Variants in THOC6 observed in about 807,000 individuals in gnomAD.
THOC6 encodes the protein THO complex subunit 6.
A neutral mutation model predicts 55.8 loss-of-function variants in THOC6; 39 were observed. The ratio of observed to expected loss-of-function variants is 0.70; its 90% CI spans 0.54 to 0.91. The LOEUF (loss-of-function observed/expected upper bound fraction) is 0.91. THOC6 is among the 40% of genes least tolerant of loss of function. THOC6 has a pLI of 0.00. For synonymous variants in THOC6, 192 were observed against 175.6 expected, an observed-to-expected ratio of 1.09 and a Z score of -0.74; for missense variants, 482 against 442.0, an observed-to-expected ratio of 1.09 and a Z score of -0.81.
intron 1 of THOC6, among the ~76,000 whole-genome samples, chr16:3,025,182 T>C (rs903364390): frequency 6.6e-6 from 1 of 152,042 alleles, no homozygotes; most frequent in African/African-American, 2.4e-5. Flanking sequence ...CCTCAGGTGG[T>C]CCACCTGCCT....
intron 2 of THOC6, 47 bp downstream of exon 2, chr16:3,025,870 A>G (rs756150952): frequency 2.0e-5 from 33 of 1,614,118 alleles, no homozygotes; most frequent in Non-Finnish European, 2.6e-5. Flanking sequence ...CTTGGCCCTC[A>G]TGGGACGGAT....
At chr16:3,027,112 G>T (rs199992947) in intron 10 of THOC6, 39 bp downstream of exon 10, 1 of 1,614,142 alleles carries the variant, frequency 6.2e-7, no homozygotes, top group Non-Finnish European at 8.5e-7. Flanking sequence ...GGCAGCTCCG[G>T]GCCCTGTCAG....
rs201552352 is a variant in THOC6, at chr16:3,026,930, C to G, written c.636+14C>G. ...TATAAGCACGAGGTGAGGGTGTGAC[C>G]GTGGCCATTGTCCTCTTCTCCCCCA... On this transcript the variant is annotated intron_variant, in intron 9 of 12. Transcript: ENST00000326266. 3 of 1,614,174 alleles carry G rather than the reference C, an allele frequency of 1.9e-6. No homozygotes were observed. The highest frequency in any genetic ancestry group is 2.5e-6 in the Non-Finnish European group (3 of 1,180,020).
In THOC6 at chr16:3,026,688, C is replaced by T. The variant is rs746516859; in HGVS notation, c.493C>T (p.Arg165Trp). 9.3e-6 allele frequency: 15 copies of T among 1,612,368 alleles called. No individual in the cohort carries two copies. Among genetic ancestry groups the T allele is most frequent in the South Asian group, 2.2e-5 (2 of 90,840 alleles). Residue 165 changes from arginine (R) to tryptophan (W), a missense_variant, in exon 8 of 13, where the codon CGG (arginine) becomes TGG (tryptophan). Arg to Trp is a moderately radical substitution (Grantham distance 101). Transcript: ENST00000326266. ...GCCCCTCTACATGCAGAGGGTCCTC[C>T]GGGGCCACACAGACTACATCCACTG... is the stretch of plus-strand genomic sequence containing the variant. ...LETGTFTRVL[R>W]GHTDYIHCLA...
In THOC6 at chr16:3,024,268, CGTAAGG is replaced by C; in HGVS notation, c.-58_-53del. ...CCACGGAGAGGAACCGCTCTAGGCA[CGTAAGG>C]CCTCGTGAGGTTGCGTCGCGCGCGG... On this transcript the variant is annotated 5_prime_UTR_variant, in exon 1 of 13. Coordinates refer to ENST00000326266, the MANE Select transcript of THOC6 (RefSeq NM_024339.5). 1 of 1,609,176 alleles carries C rather than the reference CGTAAGG, an allele frequency of 6.2e-7. No homozygotes were observed. The highest frequency in any genetic ancestry group is 1.7e-5 in the Admixed American group (1 of 59,972).
At position 3,026,522 on chromosome 16, in the gene THOC6, T is replaced by C. The variant is rs1246169055; in HGVS notation, c.418T>C (p.Ser140Pro). ...TCATCCTGCTCCTCCACAGGAGAATTCCCTCATCCTGGCTGGGGGAGACTG... is the reference window on the plus strand; with the variant it reads ...TCATCCTGCTCCTCCACAGGAGAATCCCCTCATCCTGGCTGGGGGAGACTG... ...NALLLVPKEN[S>P]LILAGGDCQL... is the part of the protein sequence containing the mutation. The change falls in exon 7 of 13, where the codon TCC becomes CCC. Residue 140 changes from serine to proline, a missense_variant. By Grantham distance (74) the Ser-to-Pro change is moderately conservative (BLOSUM62 -1). Coordinates refer to ENST00000326266, the MANE Select transcript of THOC6 (RefSeq NM_024339.5). 5.0e-6 allele frequency: 8 copies of C among 1,614,158 alleles called. No homozygotes were observed. The highest frequency in any genetic ancestry group is 1.7e-6 in the Non-Finnish European group (2 of 1,180,020).
rs2151134891 is a variant in THOC6 at position 3,025,907 on chromosome 16, C to T, written c.156-17C>T. 1 of 1,614,248 alleles carries T rather than the reference C, an allele frequency of 6.2e-7. No homozygotes were observed. The highest frequency in any genetic ancestry group is 8.5e-7 in the Non-Finnish European group (1 of 1,180,046). On this transcript the variant is annotated splice_polypyrimidine_tract_variant and intron_variant, in intron 2 of 12. Transcript: ENST00000326266. ...CCCCCGTTTCTGACTCCTGGGTCCC[C>T]TCCGCTGTCCCTGCAGCTTGTCCTC...
intron 1 of THOC6, among the ~76,000 whole-genome samples, chr16:3,024,889 C>T (rs1208673966): frequency 6.6e-6 from 1 of 150,798 alleles, no homozygotes; most frequent in Non-Finnish European, 1.5e-5. Flanking sequence ...CCTGCCTTGG[C>T]TTCTCAAAGT....
Position 3,026,789 on chromosome 16 carries a change from G to A in THOC6, c.586+8G>A, listed in dbSNP as rs1201538549. The A allele has an allele frequency of 1.9e-6, 3 of 1,613,844 alleles. No homozygotes were observed. The African/African-American group carries it at 4.0e-5, about 22-fold the overall frequency. On this transcript the variant is annotated splice_region_variant and intron_variant, in intron 8 of 12. Coordinates refer to ENST00000326266, the MANE Select transcript of THOC6 (RefSeq NM_024339.5). ...GAGCTGTTCGACTTTGGGGTAAGCA[G>A]GTGGCTGGTTGGAGGGCAAGATGGC...
chr16:3,027,485 C>A lies in THOC6; in HGVS notation c.930C>A (p.Ala310=), dbSNP rs149227535. ...GCCTCAGCCTCAACCAGCAGCCTGC[C>A]GCGCCTGAGTGCAAGGTGGGTCCGG... ...LLSLSLNQQP[A]APECKVLTAA... Residue 310 remains alanine (A), a synonymous_variant, in exon 12 of 13, where the codon GCC becomes GCA. Coordinates refer to ENST00000326266, the MANE Select transcript of THOC6 (RefSeq NM_024339.5). 2.5e-5 allele frequency: 40 copies of A among 1,609,976 alleles called. No individual in the cohort carries two copies. Among genetic ancestry groups the A allele is most frequent in the Middle Eastern group, 1.6e-4 (1 of 6,074 alleles).
intron 1 of THOC6, among the ~76,000 whole-genome samples, chr16:3,024,637 C>CTTTT (rs34833478): frequency 7.9e-6 from 1 of 126,092 alleles, no homozygotes; most frequent in Non-Finnish European, 1.6e-5. Flanking sequence ...TTGCAAAGCA[C>CTTTT]TTTTTTTTTT....
intron 1 of THOC6, 131 bp from the exon 2 acceptor site, chr16:3,025,577 G>T: frequency 2.6e-6 from 2 of 770,010 alleles, no homozygotes; most frequent in Admixed American, 2.4e-5. Context: ...CTTGGGGCGG[G>T]GCCGCCTCAA....
At chr16:3,025,336 G>T (rs976684290) in intron 1 of THOC6, among the ~76,000 whole-genome samples, 1 of 152,184 alleles carries the variant, frequency 6.6e-6, no homozygotes, top group African/African-American at 2.4e-5. Flanking sequence ...TTACAGGCAT[G>T]AACCACCACA....
chr16:3,026,717 G>A lies in THOC6; in HGVS notation c.522G>A (p.Leu174=), dbSNP rs1288588830. ...GCCACACAGACTACATCCACTGCCT[G>A]GCACTGCGGGAAAGGAGCCCAGAGG... is the stretch of plus-strand genomic sequence containing the variant. ...LRGHTDYIHC[L]ALRERSPEVL... is the part of the protein sequence containing the mutation. The change falls in exon 8 of 13, where the codon CTG becomes CTA. Residue 174 remains leucine (L), a synonymous_variant. Transcript: ENST00000326266. 10 of 1,613,768 alleles carry A rather than the reference G, an allele frequency of 6.2e-6. No individual in the cohort carries two copies. The highest frequency in any genetic ancestry group is 8.5e-6 in the Non-Finnish European group (10 of 1,179,912).
chr16:3,024,519 G>A (rs540359535), intron 1 of THOC6, among the ~76,000 whole-genome samples, 154 bp downstream of exon 1: 1 of 152,216 alleles, frequency 6.6e-6, no homozygotes, highest in Admixed American at 6.5e-5. Context: ...TAACCCAGAA[G>A]TGCTTCAGGG....
chr16:3,026,963 G>C (rs762080577), intron 9 of THOC6, 47 bp downstream of exon 9: 30 of 1,614,078 alleles, frequency 1.9e-5, no homozygotes, highest in Non-Finnish European at 2.5e-5. Context: ...CCAACTCCTT[G>C]AATTCTCCAG....
Position 3,024,085 on chromosome 16 carries a change from A to G in THOC6, c.-242A>G, listed in dbSNP as rs2072710152. The stretch of plus-strand genomic sequence containing the variant: ...CGGAAGACGGGCGGCGCGTGGCGGA[A>G]GGCAGGCTTGCTCCTCGGGGTGGGG... On this transcript the variant is annotated 5_prime_UTR_variant, in exon 1 of 13. Coordinates refer to ENST00000326266, the MANE Select transcript of THOC6 (RefSeq NM_024339.5). 6 of 754,618 alleles carry G rather than the reference A, an allele frequency of 8.0e-6. No homozygotes were observed. Among genetic ancestry groups the G allele is most frequent in the Non-Finnish European group, 8.5e-6 (4 of 473,052 alleles). The allele number at this position is 754,618 out of a possible 1,614,324, so 46.7% of individuals were successfully genotyped here.
chr16:3,027,122 G>A lies in THOC6; in HGVS notation c.700-48G>A, dbSNP rs370947731. On this transcript the variant is annotated intron_variant, in intron 10 of 12. Coordinates refer to ENST00000326266, the MANE Select transcript of THOC6 (RefSeq NM_024339.5). ...GGGATGGCAGCTCCGGGCCCTGTCA[G>A]CTGTGGGCCTGTGGTTCACAGCTGG... is the stretch of plus-strand genomic sequence containing the variant. 26 of 1,614,150 alleles carry A rather than the reference G, an allele frequency of 1.6e-5. No homozygotes were observed. In the African/African-American group the frequency reaches 2.9e-4, roughly 18 times the overall value.
chr16:3,026,257 A>G lies in THOC6; in HGVS notation c.331A>G (p.Lys111Glu). 1.9e-6 allele frequency: 3 copies of G among 1,614,116 alleles called. No homozygotes were observed. Among genetic ancestry groups the G allele is most frequent in the Non-Finnish European group, 2.5e-6 (3 of 1,180,026 alleles). ...LWAEMLKKGC[K>E]ELWRRQPPYR... ...GGTATTTTCTCTTTTGAAGGGCTGTAAGGAGCTGTGGCGTCGTCAGCCTCC... is the reference window on the plus strand; with the variant it reads ...GGTATTTTCTCTTTTGAAGGGCTGTGAGGAGCTGTGGCGTCGTCAGCCTCC... Residue 111 changes from lysine (K) to glutamate (E), a missense_variant, in exon 5 of 13, where the codon AAG becomes GAG. By Grantham distance (56) the Lys-to-Glu change is moderately conservative (BLOSUM62 1). Transcript: ENST00000326266.
Sources: gnomAD v4.1 joint callset for allele counts (sites outside exome capture counted in the v4.1 genomes callset) on GRCh38, gnomAD v4.1.1 for gene constraint, MANE v1.5 for transcripts, NCBI Gene and HGNC (gene_info 2026-07-23, HGNC 2026-07-21) for gene names.